Variants in AGBL4 observed in about 807,000 individuals in gnomAD.
AGBL4 encodes AGBL carboxypeptidase 4.
AGBL4 carries 58 observed loss-of-function variants against 66.4 expected under a neutral mutation model. That is an observed-to-expected ratio of 0.87 (90% CI 0.71 to 1.09). The LOEUF is 1.09. AGBL4 is among the 50% of genes least tolerant of loss of function. The probability of loss-of-function intolerance (pLI) is 0.00; values close to 1 mark genes in which losing one functional copy is unlikely to be tolerated. For missense variants in AGBL4, 579 were observed against 631.0 expected, an observed-to-expected ratio of 0.92 and a Z score of 0.88; for synonymous variants, 234 against 222.9, an observed-to-expected ratio of 1.05 and a Z score of -0.44.
chr1:49,827,682 C>T (rs1645546640), intron 2 of AGBL4, among the ~76,000 whole-genome samples: 2 of 152,086 alleles, frequency 1.3e-5, no homozygotes, highest in Admixed American at 1.3e-4. Context: ...CATTTGACAT[C>T]CAAACTTATG....
At chr1:49,462,126 C>A (rs1646527391) in intron 3 of AGBL4, among the ~76,000 whole-genome samples, 1 of 151,652 alleles carries the variant, frequency 6.6e-6, no homozygotes, top group African/African-American at 2.4e-5. Context: ...TCTATATAAT[C>A]AGGCATTTGG....
At position 49,941,898 on chromosome 1, in the gene AGBL4, A is replaced by T. The variant is rs141286825; in HGVS notation, c.34+81865T>A. Among the ~76,000 whole-genome samples, 1,048 of 152,204 alleles carry T rather than the reference A, an allele frequency of 6.9e-3. 11 individuals are homozygous for T. Among genetic ancestry groups the T allele is most frequent in the African/African-American group, 0.023 (975 of 41,554 alleles). ...GTACAAGCCAGAGTAATTAGGCAAG[A>T]AAAAGAAATAAAAGGAATCCAAAAT... is the stretch of plus-strand genomic sequence containing the variant. On this transcript the variant is annotated intron_variant, in intron 1 of 13. Transcript: ENST00000371839.
At chr1:48,996,679 T>C (rs1389187109) in intron 5 of AGBL4, among the ~76,000 whole-genome samples, 1 of 151,766 alleles carries the variant, frequency 6.6e-6, no homozygotes. Context: ...AAGTTAAGAG[T>C]GGAAAGAGAA....
intron 1 of AGBL4, among the ~76,000 whole-genome samples, chr1:49,870,222 GA>G (rs1198458417): frequency 4.1e-4 from 62 of 152,140 alleles, no homozygotes; most frequent in Non-Finnish European, 2.4e-4. Flanking sequence ...TATTCACAAT[GA>G]AATAGTTTTA....
intron 6 of AGBL4, among the ~76,000 whole-genome samples, chr1:48,749,914 G>A (rs768252279): frequency 3.9e-5 from 6 of 152,226 alleles, no homozygotes; most frequent in Non-Finnish European, 8.8e-5. Flanking sequence ...GCTGGGTTGG[G>A]GGGCTAAGGA....
chr1:49,564,811 T>G (rs1644150284), intron 3 of AGBL4, among the ~76,000 whole-genome samples: 1 of 152,218 alleles, frequency 6.6e-6, no homozygotes, highest in Non-Finnish European at 1.5e-5. Context: ...GTTCTGTAGA[T>G]GTCTATTAGG....
At chr1:48,647,787 G>T (rs1645862448) in intron 8 of AGBL4, among the ~76,000 whole-genome samples, 1 of 152,210 alleles carries the variant, frequency 6.6e-6, no homozygotes, top group Admixed American at 6.5e-5. Flanking sequence ...GGCAGAGAGA[G>T]TGTGCAAGTG....
chr1:49,146,987 A>C (rs1646230639), intron 4 of AGBL4, among the ~76,000 whole-genome samples: 1 of 152,236 alleles, frequency 6.6e-6, no homozygotes, highest in Admixed American at 6.5e-5. Context: ...TGCTGAAGGC[A>C]GCACAAAGCT....
chr1:49,243,758 T>C (rs2148325048), intron 4 of AGBL4, among the ~76,000 whole-genome samples: 1 of 151,882 alleles, frequency 6.6e-6, no homozygotes, highest in Admixed American at 6.6e-5. Flanking sequence ...GCAATGTAAG[T>C]AGCTTTGTAT....
intron 3 of AGBL4, among the ~76,000 whole-genome samples, chr1:49,497,941 T>C (rs898292083): frequency 5.3e-5 from 8 of 152,044 alleles, no homozygotes; most frequent in Admixed American, 2.0e-4. Flanking sequence ...ATAAACTACA[T>C]TGAATCTGCT....
chr1:49,913,915 G>A (rs1651118969), intron 1 of AGBL4, among the ~76,000 whole-genome samples: 1 of 152,150 alleles, frequency 6.6e-6, no homozygotes. Flanking sequence ...CCCATGGAGG[G>A]TGCCCCAGGC....
At chr1:49,426,449 T>G (rs1287462599) in intron 3 of AGBL4, among the ~76,000 whole-genome samples, 1 of 152,224 alleles carries the variant, frequency 6.6e-6, no homozygotes, top group African/African-American at 2.4e-5. Context: ...CCATTTATTT[T>G]AAACTTTTCT....
chr1:48,943,046 AAAGTATGTAAAAAC>A (rs1656144332), intron 5 of AGBL4, among the ~76,000 whole-genome samples: 1 of 152,208 alleles, frequency 6.6e-6, no homozygotes, highest in South Asian at 2.1e-4. Context: ...GATTATGCAG[AAAGTATGTAAAAAC>A]AAGGGAACCA....
chr1:48,905,927 A>G (rs969973323), intron 5 of AGBL4, among the ~76,000 whole-genome samples: 4 of 152,232 alleles, frequency 2.6e-5, no homozygotes, highest in African/African-American at 9.6e-5. Flanking sequence ...TCTTACAGGA[A>G]CTAGGAATAT....
chr1:49,764,587 T>G (rs1438588455), intron 2 of AGBL4, among the ~76,000 whole-genome samples: 1 of 152,106 alleles, frequency 6.6e-6, no homozygotes, highest in African/African-American at 2.4e-5. Context: ...GCCTGGGAAC[T>G]GGAGGACTGT....
intron 1 of AGBL4, among the ~76,000 whole-genome samples, chr1:49,972,656 G>GA (rs1320385400): frequency 3.9e-5 from 6 of 152,152 alleles, no homozygotes; most frequent in Non-Finnish European, 7.4e-5. Context: ...TTTTGAGAAA[G>GA]AGACAACACT....
At chr1:49,109,995 C>T (rs1270454125) in intron 4 of AGBL4, among the ~76,000 whole-genome samples, 1 of 152,230 alleles carries the variant, frequency 6.6e-6, no homozygotes, top group Non-Finnish European at 1.5e-5. Context: ...TCAACACACA[C>T]ATTCTACCCT....
intron 6 of AGBL4, chr1:48,817,819 G>A (rs530510578): frequency 1.9e-4 from 104 of 544,526 alleles, no homozygotes; most frequent in Admixed American, 5.4e-4. Context: ...AGAAAGTGCA[G>A]CACCTAGGAC....
chr1:49,075,569 A>C (rs911576382), intron 4 of AGBL4, among the ~76,000 whole-genome samples: 4 of 152,090 alleles, frequency 2.6e-5, no homozygotes, highest in African/African-American at 9.7e-5. Context: ...ATTTTTATGG[A>C]GCCCCTAAAT....
Sources: allele counts gnomAD v4.1 joint callset (sites outside exome capture counted in the v4.1 genomes callset), GRCh38; gene constraint gnomAD v4.1.1; transcripts MANE v1.5; gene names NCBI Gene and HGNC (gene_info 2026-07-23, HGNC 2026-07-21).